ADAM20: variants seen among roughly 807,000 people sequenced by gnomAD.
ADAM20 encodes disintegrin and metalloproteinase domain-containing protein 20.
For missense variants in ADAM20, 871 were observed against 883.2 expected (o/e 0.99, Z 0.18); for synonymous variants, 305 against 310.2 (o/e 0.98, Z 0.18).
chr14:70,544,689 T>C, the ADAM20 span, among the ~76,000 whole-genome samples: 4 of 152,294 alleles, frequency 2.6e-5, no homozygotes, highest in East Asian at 5.8e-4. Flanking sequence ...GCTAGAAATA[T>C]TGAATTTTCT....
the ADAM20 span, among the ~76,000 whole-genome samples, chr14:70,554,183 T>G: frequency 6.6e-6 from 1 of 152,056 alleles, no homozygotes; most frequent in Non-Finnish European, 1.5e-5. Flanking sequence ...ACAAATAAAA[T>G]AAAATACCTT....
the ADAM20 span, among the ~76,000 whole-genome samples, chr14:70,544,232 A>T: frequency 6.6e-6 from 1 of 152,218 alleles, no homozygotes; most frequent in African/African-American, 2.4e-5. Context: ...AGCACTCCTG[A>T]CCAAAATAGG....
chr14:70,530,747 T>A (rs1376053998), intron 1 of ADAM20, among the ~76,000 whole-genome samples: 1 of 151,794 alleles, frequency 6.6e-6, no homozygotes, highest in Non-Finnish European at 1.5e-5. Flanking sequence ...AACCATTGGG[T>A]CAAAGAAGAA....
At chr14:70,537,496 A>C (rs1883861049), upstream of ADAM20, among the ~76,000 whole-genome samples, 1 of 152,150 alleles carries the variant, frequency 6.6e-6, no homozygotes, top group South Asian at 2.1e-4. Flanking sequence ...GTACCTGGGG[A>C]AAGTGAGGTC....
chr14:70,572,048 A>C, the ADAM20 span, among the ~76,000 whole-genome samples: 3 of 152,174 alleles, frequency 2.0e-5, no homozygotes, highest in African/African-American at 7.2e-5. Flanking sequence ...AAAATGACCA[A>C]ACTGCCAAAA....
At chr14:70,546,832 A>G in the ADAM20 span, among the ~76,000 whole-genome samples, 1 of 152,232 alleles carries the variant, frequency 6.6e-6, no homozygotes, top group East Asian at 1.9e-4. Flanking sequence ...TGAAATTGAA[A>G]TGAAGAAAAT....
Position 70,524,033 on chromosome 14 carries a change from T to A in ADAM20, c.725A>T (p.Asp242Val), listed in dbSNP as rs769924908. Residue 242 changes from aspartate (D) to valine (V), a missense_variant, in exon 2 of 2, where the codon GAT becomes GTT. Physicochemically the swap from Asp to Val is radical, Grantham distance 152 (BLOSUM62 -3). Coordinates refer to ENST00000256389, the MANE Select transcript of ADAM20 (RefSeq NM_003814.5). ...HEVFNVVNIV[D>V]SFYHPLEVDV... ...AACCTCCAAAGGATGATAGAAGGAA[T>A]CCACTATATTGACAACGTTAAATAC... is the stretch of plus-strand genomic sequence containing the variant. The A allele has an allele frequency of 6.2e-7, 1 of 1,613,922 alleles. No individual in the cohort carries two copies. Among genetic ancestry groups the A allele is most frequent in the South Asian group, 1.1e-5 (1 of 91,054 alleles).
upstream of ADAM20, among the ~76,000 whole-genome samples, chr14:70,535,847 T>A (rs962140325): frequency 2.2e-4 from 34 of 152,228 alleles, no homozygotes; most frequent in African/African-American, 8.2e-4. Flanking sequence ...ATATACTTTA[T>A]AGAATGAAAT....
chr14:70,553,543 A>C, the ADAM20 span, among the ~76,000 whole-genome samples: 1 of 149,486 alleles, frequency 6.7e-6, no homozygotes, highest in African/African-American at 2.4e-5. Context: ...AAAAAAAAAA[A>C]AAAAACTAGC....
At chr14:70,538,621 C>A, upstream of ADAM20, among the ~76,000 whole-genome samples, 1 of 152,146 alleles carries the variant, frequency 6.6e-6, no homozygotes, top group East Asian at 1.9e-4. Context: ...AAAATGACTT[C>A]TGGTGTCCTG....
upstream of ADAM20, among the ~76,000 whole-genome samples, chr14:70,538,171 A>G (rs373015979): frequency 1.3e-5 from 2 of 151,952 alleles, no homozygotes; most frequent in East Asian, 3.9e-4. Context: ...CTCAGCCCCA[A>G]ATCCCACTCC....
chr14:70,566,746 G>A, the ADAM20 span, among the ~76,000 whole-genome samples: 8 of 152,216 alleles, frequency 5.3e-5, no homozygotes, highest in East Asian at 1.9e-4. Flanking sequence ...TTGGGAGGCC[G>A]AGGCAGGCAG....
the ADAM20 span, among the ~76,000 whole-genome samples, chr14:70,543,049 T>C: frequency 6.6e-6 from 1 of 152,204 alleles, no homozygotes; most frequent in East Asian, 1.9e-4. Flanking sequence ...TTTCTTTTAA[T>C]AAAAATGGGA....
chr14:70,554,568 C>T, the ADAM20 span, among the ~76,000 whole-genome samples: 2 of 152,064 alleles, frequency 1.3e-5, no homozygotes, highest in African/African-American at 4.8e-5. Flanking sequence ...GAATATTATT[C>T]AGCCTTAACA....
chr14:70,536,057 C>T (rs918286398), upstream of ADAM20, among the ~76,000 whole-genome samples: 1 of 152,100 alleles, frequency 6.6e-6, no homozygotes, highest in Non-Finnish European at 1.5e-5. Context: ...ACCTAATGTA[C>T]ACATGTAAAA....
Position 70,523,398 on chromosome 14 carries a change from T to C in ADAM20, c.1360A>G (p.Lys454Glu). Residue 454 changes from lysine to glutamate, a missense_variant, in exon 2 of 2, where the codon AAA (lysine) becomes GAA (glutamate). Coordinates refer to ENST00000256389, the MANE Select transcript of ADAM20 (RefSeq NM_003814.5). ...CCTGATGGCAGAAATTTGCAGTCTT[T>C]GCAACATATTCCAAAAGCACAAGCA... Reference protein sequence around the residue: ...GAACAFGICCKDCKFLPSGTL... With the variant: ...GAACAFGICCEDCKFLPSGTL... 16 of 1,614,024 alleles carry C rather than the reference T, an allele frequency of 9.9e-6. No homozygotes were observed. The highest frequency in any genetic ancestry group is 1.4e-5 in the Non-Finnish European group (16 of 1,179,960).
chr14:70,524,865 C>G lies in ADAM20; in HGVS notation c.-108G>C, dbSNP rs1355011611. Reference sequence around the variant, plus strand: ...GAGCTGTTCAGGGTGCATGGCTGACCTTTAGGGATCTGGGGATCTGTGTCC... The same window carrying G: ...GAGCTGTTCAGGGTGCATGGCTGACGTTTAGGGATCTGGGGATCTGTGTCC... On this transcript the variant is annotated 5_prime_UTR_variant, in exon 2 of 2. Transcript: ENST00000256389. 1 of 1,612,580 alleles carries G rather than the reference C, an allele frequency of 6.2e-7. No individual in the cohort carries two copies. Among genetic ancestry groups the G allele is most frequent in the Non-Finnish European group, 8.5e-7 (1 of 1,179,754 alleles).
At chr14:70,542,988 G>T in the ADAM20 span, among the ~76,000 whole-genome samples, 1 of 151,236 alleles carries the variant, frequency 6.6e-6, no homozygotes, top group Non-Finnish European at 1.5e-5. Flanking sequence ...TTGCTGTATT[G>T]TATGCAAATA....
upstream of ADAM20, among the ~76,000 whole-genome samples, chr14:70,536,556 A>G (rs1325328081): frequency 2.0e-5 from 3 of 151,672 alleles, no homozygotes; most frequent in Non-Finnish European, 4.4e-5. Context: ...TTATATAACT[A>G]CAAAGAGCTA....
Sources: allele counts gnomAD v4.1 joint callset (sites outside exome capture counted in the v4.1 genomes callset), GRCh38; gene constraint gnomAD v4.1.1; transcripts MANE v1.5; gene names NCBI Gene and HGNC (gene_info 2026-07-23, HGNC 2026-07-21).